AGTPBP1: variants seen among roughly 807,000 people sequenced by gnomAD.
AGTPBP1 encodes cytosolic carboxypeptidase 1.
Under a neutral mutation model 143.9 loss-of-function variants are expected in AGTPBP1, and 70 were observed. The ratio of observed to expected loss-of-function variants is 0.49; its 90% confidence interval spans 0.40 to 0.59. AGTPBP1 has a LOEUF of 0.59. AGTPBP1 is among the 20% of genes least tolerant of loss of function. The pLI is 0.00. For missense variants in AGTPBP1, 1,229 were observed against 1,464.5 expected, an observed-to-expected ratio of 0.84 and a Z score of 2.62; for synonymous variants, 463 against 500.2, an observed-to-expected ratio of 0.93 and a Z score of 0.99.
chr9:85,748,944 G>A, the AGTPBP1 span, among the ~76,000 whole-genome samples: 2,380 of 149,522 alleles, frequency 0.016, 26 homozygotes, highest in Middle Eastern at 0.033. Flanking sequence ...GTAGAAGTCT[G>A]CTGAAATGCA....
At position 85,688,041 on chromosome 9, in the gene AGTPBP1, G is replaced by A. The variant is rs139189222; in HGVS notation, c.157+4648C>T. 1.4e-3 allele frequency among the ~76,000 whole-genome samples: 168 copies of A among 122,896 alleles called. 1 individual carries two copies. The highest frequency in any genetic ancestry group is 5.1e-3 in the African/African-American group (161 of 31,544). 80.6% of individuals were successfully genotyped at this position (122,896 alleles called of 152,430 possible). A position where few individuals can be genotyped will look rare whatever the true frequency, so the allele number is the denominator to read the frequency against. Reference sequence around the variant, plus strand: ...GGAGGCAGAGGTTGCAGTGAGCCGAGATCACACCATTGCACTCCAGCCTGG... The same window carrying A: ...GGAGGCAGAGGTTGCAGTGAGCCGAAATCACACCATTGCACTCCAGCCTGG... On this transcript the variant is annotated intron_variant, in intron 3 of 25. Transcript: ENST00000357081.
intron 2 of AGTPBP1, among the ~76,000 whole-genome samples, chr9:85,694,365 C>A (rs1196525379): frequency 6.6e-6 from 1 of 152,036 alleles, no homozygotes; most frequent in East Asian, 1.9e-4. Context: ...GAGCTCCTAC[C>A]AGCTGTTTCT....
At chr9:85,789,056 A>C in the AGTPBP1 span, among the ~76,000 whole-genome samples, 1 of 151,906 alleles carries the variant, frequency 6.6e-6, no homozygotes, top group South Asian at 2.1e-4. Flanking sequence ...TCACTAATAA[A>C]GCAAGAAAAT....
chr9:85,669,007 GTA>G lies in AGTPBP1; in HGVS notation c.662+476_662+477del, dbSNP rs1491408325. Among the ~76,000 whole-genome samples the G allele has an allele frequency of 6.5e-5, 4 of 61,886 alleles. 1 individual carries two copies. The highest frequency in any genetic ancestry group is 2.8e-4 in the African/African-American group (4 of 14,284). 40.6% of individuals were successfully genotyped at this position (61,886 alleles called of 152,430 possible). A position where few individuals can be genotyped will look rare whatever the true frequency, so the allele number is the denominator to read the frequency against. On this transcript the variant is annotated intron_variant, in intron 8 of 25. Transcript: ENST00000357081. ...TGTGTGTGTGTGTGTGTGTGTGTGTGTATACATACACACACACACACACACAC... is the reference window on the plus strand; with the variant it reads ...TGTGTGTGTGTGTGTGTGTGTGTGTGTACATACACACACACACACACACAC...
upstream of AGTPBP1, chr9:85,742,019 A>G (rs1018053663): frequency 3.3e-6 from 4 of 1,201,424 alleles, no homozygotes; most frequent in African/African-American, 4.8e-5. Context: ...GCCGGCTCCC[A>G]GCACGCGCAG....
chr9:85,616,043 T>C (rs957737734), intron 17 of AGTPBP1, among the ~76,000 whole-genome samples: 3 of 151,996 alleles, frequency 2.0e-5, no homozygotes, highest in Admixed American at 2.0e-4. Context: ...GCATTGGTTA[T>C]GAGTCTTCTT....
intron 2 of AGTPBP1, among the ~76,000 whole-genome samples, chr9:85,710,953 T>C (rs1489193140): frequency 6.6e-6 from 1 of 152,146 alleles, no homozygotes; most frequent in African/African-American, 2.4e-5. Context: ...ATTACACAAG[T>C]ACGTGACTAA....
At chr9:85,654,842 C>CAAAAAAAAAAAAAAAAAAAAAAAAAAAA (rs892734076) in intron 11 of AGTPBP1, among the ~76,000 whole-genome samples, 1 of 136,120 alleles carries the variant, frequency 7.3e-6, no homozygotes, top group Non-Finnish European at 1.6e-5. Context: ...GACTCTGTCT[C>CAAAAAAAAAAAAAAAAAAAAAAAAAAAA]AAAAAAAAAA....
chr9:85,626,050 T>A lies in AGTPBP1; in HGVS notation c.2016-4765A>T, dbSNP rs575494707. On this transcript the variant is annotated intron_variant, in intron 14 of 25. Transcript: ENST00000357081. ...GTTATGGACTATAAAAACAAAAAAATGCACCAAAAATGCTAAGCATACTAA... is the reference window on the plus strand; with the variant it reads ...GTTATGGACTATAAAAACAAAAAAAAGCACCAAAAATGCTAAGCATACTAA... 2.0e-4 allele frequency among the ~76,000 whole-genome samples: 30 copies of A among 151,198 alleles called. No homozygotes were observed. The East Asian group carries it at 5.9e-3, about 29-fold the overall frequency.
chr9:85,776,761 T>C, the AGTPBP1 span, among the ~76,000 whole-genome samples: 47 of 152,262 alleles, frequency 3.1e-4, no homozygotes, highest in Middle Eastern at 3.4e-3. Flanking sequence ...GTTGGCAGTG[T>C]TCCTTCCTCT....
In AGTPBP1 at chr9:85,635,450, C is replaced by A. The variant is rs547696307; in HGVS notation, c.1303-2076G>T. Among the ~76,000 whole-genome samples, 7 of 152,260 alleles carry A rather than the reference C, an allele frequency of 4.6e-5. No homozygotes were observed. The South Asian group carries it at 1.5e-3, about 32-fold the overall frequency. Reference sequence around the variant, plus strand: ...GGTAGTAAGTTTGCATTAAAAAACACATTTTGTAGGAAACATGGTAGGCTA... The same window carrying A: ...GGTAGTAAGTTTGCATTAAAAAACAAATTTTGTAGGAAACATGGTAGGCTA... On this transcript the variant is annotated intron_variant, in intron 13 of 25. Coordinates refer to ENST00000357081, the MANE Select transcript of AGTPBP1 (RefSeq NM_001330701.2).
At chr9:85,603,697 AG>A (rs1407309461) in intron 17 of AGTPBP1, among the ~76,000 whole-genome samples, 1 of 152,072 alleles carries the variant, frequency 6.6e-6, no homozygotes, top group Non-Finnish European at 1.5e-5. Context: ...CCCCAATTTC[AG>A]GCCTTGGCTT....
At chr9:85,676,999 G>A (rs1025301810) in intron 6 of AGTPBP1, among the ~76,000 whole-genome samples, 4 of 152,266 alleles carry the variant, frequency 2.6e-5, no homozygotes, top group Admixed American at 2.6e-4. Context: ...CTCATGAAAG[G>A]AGTGAATAGA....
chr9:85,762,863 TA>T, the AGTPBP1 span, among the ~76,000 whole-genome samples: 1 of 149,082 alleles, frequency 6.7e-6, no homozygotes, highest in Non-Finnish European at 1.5e-5. Context: ...ATATAAAGTT[TA>T]TACATATATA....
In AGTPBP1 at chr9:85,728,654, T is replaced by C. The variant is rs144895839; in HGVS notation, c.-34+13121A>G. Among the ~76,000 whole-genome samples the C allele has an allele frequency of 1.4e-4, 22 of 152,302 alleles. No homozygotes were observed. In the East Asian group the frequency reaches 4.2e-3, roughly 29 times the overall value. ...TTCATGTGAACAAGATGAACTTCTTTTAGTTTTAAAAGGCAATTTTATTGT... is the reference window on the plus strand; with the variant it reads ...TTCATGTGAACAAGATGAACTTCTTCTAGTTTTAAAAGGCAATTTTATTGT... On this transcript the variant is annotated intron_variant, in intron 1 of 25. Transcript: ENST00000357081.
At chr9:85,655,736 G>A (rs769510665) in intron 10 of AGTPBP1, among the ~76,000 whole-genome samples, 14 of 151,684 alleles carry the variant, frequency 9.2e-5, no homozygotes, top group Non-Finnish European at 1.6e-4. Flanking sequence ...CCTCAGAACT[G>A]TATCAGTTAT....
At chr9:85,784,068 G>A in the AGTPBP1 span, among the ~76,000 whole-genome samples, 3 of 152,204 alleles carry the variant, frequency 2.0e-5, no homozygotes, top group African/African-American at 7.2e-5. Context: ...CAGTGTATAT[G>A]TTTTCTAACA....
At chr9:85,556,848 C>T (rs777343819) in intron 25 of AGTPBP1, among the ~76,000 whole-genome samples, 12 of 152,112 alleles carry the variant, frequency 7.9e-5, no homozygotes, top group African/African-American at 2.7e-4. Flanking sequence ...TGGACACATT[C>T]GCAGTGATAG....
chr9:85,564,923 T>G (rs1329884126), intron 25 of AGTPBP1, among the ~76,000 whole-genome samples: 1 of 152,230 alleles, frequency 6.6e-6, no homozygotes, highest in Non-Finnish European at 1.5e-5. Context: ...ACATGAATTT[T>G]GGGATGGGAA....
Sources: allele counts gnomAD v4.1 joint callset (sites outside exome capture counted in the v4.1 genomes callset), GRCh38; gene constraint gnomAD v4.1.1; transcripts MANE v1.5; gene names NCBI Gene and HGNC (gene_info 2026-07-23, HGNC 2026-07-21).